Variants in MAPK14 observed in about 807,000 individuals in gnomAD.
MAPK14 encodes CSAID-binding protein.
A neutral mutation model predicts 49.6 loss-of-function variants in MAPK14; 16 were observed. The observed-to-expected ratio is 0.32, with a 90% CI of 0.22 to 0.49. The LOEUF (loss-of-function observed/expected upper bound fraction) is 0.49, where lower values mean the gene tolerates loss of function less well. Among genes scored for constraint, MAPK14 ranks in the 20% least tolerant of loss-of-function variants. The pLI, the probability that MAPK14 is intolerant of heterozygous loss-of-function variation, is 0.99. For missense variants in MAPK14, 200 were observed against 441.2 expected (o/e 0.45, Z 4.90); for synonymous variants, 142 against 158.0 (o/e 0.90, Z 0.76).
At chr6:36,073,611 C>A in intron 4 of MAPK14, 80 bp from the exon 5 acceptor site, 3 of 1,117,292 alleles carry the variant, frequency 2.7e-6, no homozygotes, top group Non-Finnish European at 2.7e-6. Flanking sequence ...CTTACTGATT[C>A]ATGAAAATGT....
At chr6:36,055,657 C>T (rs763693744) in intron 2 of MAPK14, among the ~76,000 whole-genome samples, 9 of 151,654 alleles carry the variant, frequency 5.9e-5, no homozygotes, top group African/African-American at 1.9e-4. Context: ...AATGGCTGGG[C>T]GCAGTGGCTC....
intron 8 of MAPK14, among the ~76,000 whole-genome samples, chr6:36,077,890 CT>C (rs1288227149): frequency 6.6e-6 from 1 of 152,182 alleles, no homozygotes; most frequent in East Asian, 1.9e-4. Flanking sequence ...AAAATTCATA[CT>C]TCCCCCTTTC....
At chr6:36,085,522 C>T (rs1764945556) in intron 8 of MAPK14, among the ~76,000 whole-genome samples, 1 of 152,110 alleles carries the variant, frequency 6.6e-6, no homozygotes, top group Non-Finnish European at 1.5e-5. Flanking sequence ...GGTTGCAATC[C>T]TATTTTCTGA....
chr6:36,066,752 G>GTGTGTGTGTA (rs781612110), intron 3 of MAPK14, among the ~76,000 whole-genome samples: 79 of 152,148 alleles, frequency 5.2e-4, no homozygotes, highest in African/African-American at 1.8e-3. Context: ...GTGTGTGTGT[G>GTGTGTGTGTA]TGTGTGTATG....
rs145356903 is a variant in MAPK14, at chr6:36,082,468, G to C, written c.682+5860G>C. 6.6e-4 allele frequency among the ~76,000 whole-genome samples: 101 copies of C among 152,312 alleles called. 1 individual carries two copies. The East Asian group carries it at 0.016, about 24-fold the overall frequency. ...AACTAGGTAATTTATCAAGAAAAGA[G>C]GTTTATTTGGCTCACAGTTGCATAG... is the stretch of plus-strand genomic sequence containing the variant. On this transcript the variant is annotated intron_variant, in intron 8 of 11. Transcript: ENST00000229794.
intron 3 of MAPK14, among the ~76,000 whole-genome samples, chr6:36,062,761 G>A (rs1451812943): frequency 2.0e-5 from 3 of 150,598 alleles, no homozygotes; most frequent in African/African-American, 4.9e-5. Flanking sequence ...AGGTTCAAGC[G>A]ATTCTCCTAC....
chr6:36,115,310 G>A (rs1766041668), downstream of MAPK14, among the ~76,000 whole-genome samples: 2 of 152,172 alleles, frequency 1.3e-5, no homozygotes, highest in African/African-American at 4.8e-5. Flanking sequence ...ACCCAGCCTA[G>A]ATTCTTAACA....
At chr6:36,032,367 A>G (rs372716433) in intron 1 of MAPK14, among the ~76,000 whole-genome samples, 1 of 152,316 alleles carries the variant, frequency 6.6e-6, no homozygotes. Context: ...TTGCAGTTTT[A>G]AGGAACTTTA....
At position 36,052,685 on chromosome 6, in the gene MAPK14, T is replaced by C; in HGVS notation, c.117-14T>C. Reference sequence around the variant, plus strand: ...GCTTTTTAATGGTGGGTTTTTTCCCTTTTTTCTCCTTAGTGCTGCTTTTGA... The same window carrying C: ...GCTTTTTAATGGTGGGTTTTTTCCCCTTTTTCTCCTTAGTGCTGCTTTTGA... On this transcript the variant is annotated splice_polypyrimidine_tract_variant and intron_variant, in intron 1 of 11. Transcript: ENST00000229794. The C allele has an allele frequency of 1.9e-6, 3 of 1,583,456 alleles. No homozygotes were observed. Among genetic ancestry groups the C allele is most frequent in the Non-Finnish European group, 2.6e-6 (3 of 1,168,552 alleles).
At chr6:36,054,498 C>T (rs1286264927) in intron 2 of MAPK14, among the ~76,000 whole-genome samples, 1 of 151,890 alleles carries the variant, frequency 6.6e-6, no homozygotes, top group East Asian at 1.9e-4. Context: ...TACTAGCAGT[C>T]TTTTTTTTAT....
rs111448493 is a variant in MAPK14, at chr6:36,073,317, G to A, written c.417+333G>A. 2.9e-3 allele frequency among the ~76,000 whole-genome samples: 444 copies of A among 152,294 alleles called. 4 individuals carry two copies. Among genetic ancestry groups the A allele is most frequent in the African/African-American group, 0.01 (418 of 41,560 alleles). On this transcript the variant is annotated intron_variant, in intron 4 of 11. Transcript: ENST00000229794. The stretch of plus-strand genomic sequence containing the variant: ...TACATCTAAACAATAATTTATTGAT[G>A]TAATCTAATATCTGGTCAGCGTAAT...
At position 36,108,303 on chromosome 6, in the gene MAPK14, G is replaced by C. The variant is rs373104592; in HGVS notation, c.1016-77G>C. The C allele has an allele frequency of 9.3e-6, 10 of 1,071,466 alleles. No homozygotes were observed. The East Asian group carries it at 9.5e-5, about 10-fold the overall frequency. The allele number at this position is 1,071,466 out of a possible 1,614,324, so 66.4% of individuals were successfully genotyped here. A position where few individuals can be genotyped will look rare whatever the true frequency, so the allele number is the denominator to read the frequency against. Reference sequence around the variant, plus strand: ...CCTGGACAGAGAGGAAGGATCTTGAGCTTAGAAGTCAGAGTGCTTGCCAGC... The same window carrying C: ...CCTGGACAGAGAGGAAGGATCTTGACCTTAGAAGTCAGAGTGCTTGCCAGC... On this transcript the variant is annotated intron_variant, in intron 11 of 11. Coordinates refer to ENST00000229794, the MANE Select transcript of MAPK14 (RefSeq NM_139012.3).
At chr6:36,122,657 AT>A in the MAPK14 span, among the ~76,000 whole-genome samples, 1 of 152,184 alleles carries the variant, frequency 6.6e-6, no homozygotes, top group Non-Finnish European at 1.5e-5. Flanking sequence ...GCAGGTGAGC[AT>A]GGCTTGTAAT....
At chr6:36,029,731 C>A (rs11968307) in intron 1 of MAPK14, among the ~76,000 whole-genome samples, 2,100 of 152,200 alleles carry the variant, frequency 0.014, 59 homozygotes, top group African/African-American at 0.047. Context: ...TTTTCTAGTT[C>A]AAGTTGCTTA....
intron 1 of MAPK14, among the ~76,000 whole-genome samples, chr6:36,030,909 A>G (rs923888127): frequency 4.6e-5 from 7 of 152,228 alleles, no homozygotes. Context: ...CTGAAATTGT[A>G]TGACAATTGA....
the MAPK14 span, among the ~76,000 whole-genome samples, chr6:36,122,804 A>G: frequency 1.3e-5 from 2 of 152,182 alleles, no homozygotes; most frequent in African/African-American, 4.8e-5. Context: ...TGCAAGTGAC[A>G]TTCTCCCATC....
intron 3 of MAPK14, among the ~76,000 whole-genome samples, chr6:36,066,479 C>A (rs904739106): frequency 5.9e-5 from 9 of 151,980 alleles, no homozygotes; most frequent in Non-Finnish European, 1.2e-4. Flanking sequence ...TCTGTAATGT[C>A]TAGACAACTT....
At chr6:36,042,476 C>CTTTTTT (rs113286534) in intron 1 of MAPK14, among the ~76,000 whole-genome samples, 11 of 102,662 alleles carry the variant, frequency 1.1e-4, no homozygotes, top group Admixed American at 3.5e-4. Flanking sequence ...GAAGGAATAT[C>CTTTTTT]TTTTTTTTTT....
intron 8 of MAPK14, among the ~76,000 whole-genome samples, chr6:36,083,022 C>T (rs1054092839): frequency 6.6e-6 from 1 of 152,082 alleles, no homozygotes; most frequent in Non-Finnish European, 1.5e-5. Flanking sequence ...TCCTGGATTT[C>T]CTTTAAAGAT....
Sources: gnomAD v4.1 joint callset for allele counts (sites outside exome capture counted in the v4.1 genomes callset) on GRCh38, gnomAD v4.1.1 for gene constraint, MANE v1.5 for transcripts, NCBI Gene and HGNC (gene_info 2026-07-23, HGNC 2026-07-21) for gene names.